CDH23: variants seen among roughly 807,000 people sequenced by gnomAD.
The protein encoded by CDH23 is cadherin-23.
Under a neutral mutation model 317.1 loss-of-function variants are expected in CDH23, and 189 were observed. The observed-to-expected ratio is 0.60, with a 90% CI of 0.53 to 0.67. The LOEUF (loss-of-function observed/expected upper bound fraction) is 0.67. Ranked by LOEUF, CDH23 falls within the 30% of genes least tolerant of loss-of-function variation. CDH23 has a pLI of 0.00. For missense variants in CDH23, 4,401 were observed against 4,592.4 expected (o/e 0.96, Z 1.20); for synonymous variants, 1,839 against 1,876.8 (o/e 0.98, Z 0.52).
intron 6 of CDH23, among the ~76,000 whole-genome samples, chr10:71,537,086 C>G (rs983919638): frequency 6.6e-6 from 1 of 152,132 alleles, no homozygotes; most frequent in Non-Finnish European, 1.5e-5. Context: ...CTGCTCCCCC[C>G]AGCTCCATCT....
intron 30 of CDH23, among the ~76,000 whole-genome samples, chr10:71,729,172 G>A (rs1012799384): frequency 6.6e-6 from 1 of 152,156 alleles, no homozygotes; most frequent in African/African-American, 2.4e-5. Flanking sequence ...CGTTCATGAT[G>A]TACAGTGCAC....
At position 71,807,928 on chromosome 10, in the gene CDH23, C is replaced by T. The variant is rs2132990531; in HGVS notation, c.8643C>T (p.Val2881=). The T allele has an allele frequency of 6.2e-7, 1 of 1,603,548 alleles. No individual in the cohort carries two copies. The highest frequency in any genetic ancestry group is 8.5e-7 in the Non-Finnish European group (1 of 1,175,032). The change falls in exon 60 of 70, where the codon GTC becomes GTT. Residue 2881 remains valine (V), a synonymous_variant. Transcript: ENST00000224721. ...LDADIGNNSL[V]FYSILAIHYF... is the part of the protein sequence containing the mutation. ...CAGACATTGGCAACAACAGCCTTGT[C>T]TTCTACAGCATTCTGGCCATCCACT...
chr10:71,779,334 T>C lies in CDH23; in HGVS notation c.5255T>C (p.Phe1752Ser). 1 of 1,613,990 alleles carries C rather than the reference T, an allele frequency of 6.2e-7. No individual in the cohort carries two copies. Among genetic ancestry groups the C allele is most frequent in the Non-Finnish European group, 8.5e-7 (1 of 1,179,870 alleles). ...PTFPRDYEGPFEVTEGQPGPR... is the reference protein window; with the variant it reads ...PTFPRDYEGPSEVTEGQPGPR... ...TTCCCCCGGGACTATGAGGGACCAT[T>C]TGAAGTCACTGAGGGCCAGCCGGGG... Residue 1752 changes from phenylalanine to serine, a missense_variant, in exon 41 of 70, where the codon TTT becomes TCT. Physicochemically the swap from Phe to Ser is radical, Grantham distance 155. This residue lies in a region of CDH23 where 3,068 missense variants were observed against 3,203.3 expected (regional missense o/e 0.96). Coordinates refer to ENST00000224721, the MANE Select transcript of CDH23 (RefSeq NM_022124.6).
intron 9 of CDH23, among the ~76,000 whole-genome samples, chr10:71,613,257 C>T (rs1241631656): frequency 6.6e-6 from 1 of 152,238 alleles, no homozygotes; most frequent in Non-Finnish European, 1.5e-5. Flanking sequence ...AAACTCCCTT[C>T]TATCATACAT....
intron 48 of CDH23, 50 bp downstream of exon 48, chr10:71,793,690 C>A: frequency 7.6e-7 from 1 of 1,320,198 alleles, no homozygotes; most frequent in Admixed American, 2.4e-5. Flanking sequence ...CCAGTCCTGT[C>A]TCCTCGCTCC....
Position 71,612,863 on chromosome 10 carries a change from G to GT in CDH23, c.833-2636dup, listed in dbSNP as rs1056348463. ...CCCCCATTAAAATGTATCGCCATTT[G>GT]TTTTTGAGACAGTCTTGCTCTGTCG... On this transcript the variant is annotated intron_variant, in intron 9 of 69. Transcript: ENST00000224721. Among the ~76,000 whole-genome samples, 30 of 152,306 alleles carry GT rather than the reference G, an allele frequency of 2.0e-4. No individual in the cohort carries two copies. In the South Asian group the frequency reaches 2.9e-3, roughly 15 times the overall value.
intron 3 of CDH23, among the ~76,000 whole-genome samples, chr10:71,484,924 G>A (rs12241807): frequency 0.23 from 35,273 of 151,780 alleles, 4,443 homozygotes; most frequent in African/African-American, 0.24. Flanking sequence ...AAAGGGCTGT[G>A]TCATTTAGGA....
rs112358751 is a variant in CDH23 at position 71,643,476 on chromosome 10, T to C, written c.1135-385T>C. Among the ~76,000 whole-genome samples, 1,465 of 152,254 alleles carry C rather than the reference T, an allele frequency of 9.6e-3. 29 individuals carry two copies. Among genetic ancestry groups the C allele is most frequent in the African/African-American group, 0.033 (1,382 of 41,530 alleles). ...TTATCCAGGCTCCAGGGATGTAGGA[T>C]GTAGGGATGGCCCCTCCCATCCCAG... On this transcript the variant is annotated intron_variant, in intron 11 of 69. Transcript: ENST00000224721.
At chr10:71,487,275 G>A (rs934446039) in intron 3 of CDH23, among the ~76,000 whole-genome samples, 8 of 152,214 alleles carry the variant, frequency 5.3e-5, no homozygotes, top group South Asian at 4.1e-4. Flanking sequence ...GTGTGTATAT[G>A]TGTATACAGA....
At chr10:71,637,099 T>C (rs564665432) in intron 11 of CDH23, among the ~76,000 whole-genome samples, 1 of 152,298 alleles carries the variant, frequency 6.6e-6, no homozygotes, top group Admixed American at 6.5e-5. Flanking sequence ...CGAGGTCCCC[T>C]TTGCCATGTC....
At chr10:71,579,653 G>C (rs1858489022) in intron 9 of CDH23, among the ~76,000 whole-genome samples, 1 of 152,162 alleles carries the variant, frequency 6.6e-6, no homozygotes, top group Non-Finnish European at 1.5e-5. Flanking sequence ...CTTCAGACGG[G>C]GATGTGAGGA....
intron 6 of CDH23, among the ~76,000 whole-genome samples, chr10:71,525,137 C>A (rs1248524328): frequency 6.6e-6 from 1 of 152,118 alleles, no homozygotes; most frequent in East Asian, 1.9e-4. Flanking sequence ...GAACTACTGA[C>A]TTCAAGTGAT....
At chr10:71,653,241 G>A (rs760976477) in intron 14 of CDH23, among the ~76,000 whole-genome samples, 12 of 152,126 alleles carry the variant, frequency 7.9e-5, no homozygotes, top group Admixed American at 6.5e-5. Context: ...CCCACCCACA[G>A]CATTGACCCC....
Position 71,471,217 on chromosome 10 carries a change from G to A in CDH23, c.145+24822G>A, listed in dbSNP as rs1324642160. ...CTTACTGCACTGCCATCTGCGCGCA[G>A]CCCGGCTCTTGCTCCCACCACAACA... is the stretch of plus-strand genomic sequence containing the variant. On this transcript the variant is annotated intron_variant, in intron 3 of 69. Coordinates refer to ENST00000224721, the MANE Select transcript of CDH23 (RefSeq NM_022124.6). Among the ~76,000 whole-genome samples the A allele has an allele frequency of 2.0e-5, 3 of 152,194 alleles. No homozygotes were observed. In the East Asian group the frequency reaches 5.8e-4, roughly 29 times the overall value.
At chr10:71,643,664 T>C (rs1862681858) in intron 11 of CDH23, among the ~76,000 whole-genome samples, 197 bp from the exon 12 acceptor site, 1 of 151,958 alleles carries the variant, frequency 6.6e-6, no homozygotes. Flanking sequence ...ACTCACACAA[T>C]ACGCCTCCTC....
chr10:71,702,490 G>GT, intron 23 of CDH23, 59 bp from the exon 24 acceptor site: 3 of 1,600,954 alleles, frequency 1.9e-6, no homozygotes, highest in Non-Finnish European at 2.6e-6. Context: ...CTTCCTGTCC[G>GT]TTTTCTCTTG....
At chr10:71,410,733 A>G (rs1848311406) in intron 1 of CDH23, among the ~76,000 whole-genome samples, 1 of 152,200 alleles carries the variant, frequency 6.6e-6, no homozygotes, top group Non-Finnish European at 1.5e-5. Flanking sequence ...ATATAAGTTG[A>G]ATAATGCAGT....
intron 11 of CDH23, among the ~76,000 whole-genome samples, chr10:71,642,569 T>G (rs1236930204): frequency 1.3e-5 from 2 of 151,992 alleles, no homozygotes; most frequent in Non-Finnish European, 2.9e-5. Context: ...CAGCTAATTT[T>G]TTTGTATTTT....
At chr10:71,793,896 A>C (rs1364702470) in intron 48 of CDH23, among the ~76,000 whole-genome samples, 2 of 152,106 alleles carry the variant, frequency 1.3e-5, no homozygotes, top group Non-Finnish European at 2.9e-5. Flanking sequence ...AGTGTATGAG[A>C]GCACCTATCT....
Sources: allele counts gnomAD v4.1 joint callset (sites outside exome capture counted in the v4.1 genomes callset), GRCh38; gene constraint gnomAD v4.1.1; regional missense constraint gnomAD v4.1.1; transcripts MANE v1.5; gene names NCBI Gene and HGNC (gene_info 2026-07-23, HGNC 2026-07-21).